OTOG: variants seen among roughly 807,000 people sequenced by gnomAD.
OTOG encodes the protein otogelin.
A neutral mutation model predicts 313.8 loss-of-function variants in OTOG; 296 were observed. The observed-to-expected ratio is 0.94, with a 90% CI of 0.86 to 1.04. The LOEUF is 1.04. Among genes scored for constraint, OTOG ranks in the 50% least tolerant of loss-of-function variants. The probability of loss-of-function intolerance (pLI) is 0.00; values close to 1 mark genes in which losing one functional copy is unlikely to be tolerated. For missense variants in OTOG, 3,948 were observed against 3,840.1 expected, an observed-to-expected ratio of 1.03 and a Z score of -0.74; for synonymous variants, 1,533 against 1,554.9, an observed-to-expected ratio of 0.99 and a Z score of 0.33.
chr11:17,609,015 A>T, intron 34 of OTOG, 115 bp from the exon 35 acceptor site: 1 of 788,324 alleles, frequency 1.3e-6, no homozygotes, highest in Non-Finnish European at 2.1e-6. Context: ...TAATAAGCAC[A>T]TGTGTGCACG....
intron 14 of OTOG, 134 bp from the exon 15 acceptor site, chr11:17,561,528 G>A (rs1371474616): frequency 1.1e-6 from 1 of 926,986 alleles, no homozygotes; most frequent in Non-Finnish European, 1.6e-6. Context: ...GGGCTCTCAG[G>A]GGCCAGGCCT....
At chr11:17,592,844 T>C (rs1340806279) in intron 25 of OTOG, among the ~76,000 whole-genome samples, 1 of 152,198 alleles carries the variant, frequency 6.6e-6, no homozygotes, top group Non-Finnish European at 1.5e-5. Context: ...ATTTAAAATA[T>C]TCAATGCCAG....
At chr11:17,562,710 A>G (rs1222434285) in intron 15 of OTOG, among the ~76,000 whole-genome samples, 6 of 152,256 alleles carry the variant, frequency 3.9e-5, no homozygotes, top group Non-Finnish European at 8.8e-5. Flanking sequence ...AGTGTTTAAA[A>G]AAAAATCTCT....
intron 23 of OTOG, among the ~76,000 whole-genome samples, chr11:17,582,950 T>C (rs1852706715): frequency 6.6e-6 from 1 of 152,110 alleles, no homozygotes; most frequent in Non-Finnish European, 1.5e-5. Flanking sequence ...TAAAAACTTC[T>C]GATGAGAAGT....
intron 26 of OTOG, 48 bp from the exon 27 acceptor site, chr11:17,593,562 G>T (rs1349286146): frequency 1.3e-6 from 2 of 1,541,322 alleles, no homozygotes; most frequent in Non-Finnish European, 1.8e-6. Context: ...GCTGACCTGG[G>T]CGCTAGGGGG....
At chr11:17,551,445 G>A (rs1303574840) in intron 3 of OTOG, among the ~76,000 whole-genome samples, 2 of 152,154 alleles carry the variant, frequency 1.3e-5, no homozygotes, top group Non-Finnish European at 2.9e-5. Context: ...CAGGGCAGGA[G>A]TCCTGACTGG....
At position 17,635,683 on chromosome 11, in the gene OTOG, G is replaced by T; in HGVS notation, c.7767G>T (p.Thr2589=). Residue 2589 remains threonine, a synonymous_variant, in exon 47 of 56, where the codon ACG becomes ACT. Coordinates refer to ENST00000399397, the MANE Select transcript of OTOG (RefSeq NM_001292063.2). Reference sequence around the variant, plus strand: ...CGCTCACTGTGCACAGGAATACCACGGAACTCTGCTGCCCTCTGTACCAGT... The same window carrying T: ...CGCTCACTGTGCACAGGAATACCACTGAACTCTGCTGCCCTCTGTACCAGT... ...GEALTVHRNT[T]ELCCPLYQCV... The T allele has an allele frequency of 6.4e-7, 1 of 1,550,552 alleles. No individual in the cohort carries two copies. The highest frequency in any genetic ancestry group is 8.7e-7 in the Non-Finnish European group (1 of 1,146,940).
intron 49 of OTOG, 135 bp downstream of exon 49, chr11:17,639,598 A>G: frequency 1.1e-6 from 1 of 871,012 alleles, no homozygotes; most frequent in South Asian, 1.7e-5. Flanking sequence ...TCTTTTCCCA[A>G]GCTCTGCCAC....
At chr11:17,552,200 C>T (rs1250634220) in intron 4 of OTOG, 125 bp downstream of exon 4, 2 of 927,200 alleles carry the variant, frequency 2.2e-6, no homozygotes, top group East Asian at 2.7e-5. Context: ...TGCTTGGCAT[C>T]TCCTTCCACC....
intron 15 of OTOG, among the ~76,000 whole-genome samples, chr11:17,567,545 A>G (rs1481318302): frequency 1.3e-5 from 2 of 152,226 alleles, no homozygotes; most frequent in Non-Finnish European, 2.9e-5. Context: ...GGGTCTCTGT[A>G]TGTTGAGCAG....
chr11:17,593,157 C>A, intron 25 of OTOG, 36 bp from the exon 26 acceptor site: 1 of 1,535,328 alleles, frequency 6.5e-7, no homozygotes, highest in Non-Finnish European at 8.8e-7. Context: ...TCTCCTTTCT[C>A]CCTTGTTTTA....
intron 30 of OTOG, among the ~76,000 whole-genome samples, chr11:17,599,161 G>C (rs567867741): frequency 1.3e-5 from 2 of 152,284 alleles, no homozygotes; most frequent in East Asian, 3.9e-4. Flanking sequence ...ACGCTTGCGG[G>C]AGCTTCTCAC....
chr11:17,609,153 G>C lies in OTOG; in HGVS notation c.4298G>C (p.Cys1433Ser), dbSNP rs562069769. 2 of 1,550,566 alleles carry C rather than the reference G, an allele frequency of 1.3e-6. No individual in the cohort carries two copies. The highest frequency in any genetic ancestry group is 3.9e-5 in the Admixed American group (2 of 50,994). The change falls in exon 35 of 56, where the codon TGC (cysteine) becomes TCC (serine). Residue 1433 changes from cysteine to serine, a missense_variant. By Grantham distance (112) the Cys-to-Ser change is moderately radical (BLOSUM62 -1). Coordinates refer to ENST00000399397, the MANE Select transcript of OTOG (RefSeq NM_001292063.2). Reference protein sequence around the residue: ...VPRVEGCVPVCPTPQVLDEVT... With the variant: ...VPRVEGCVPVSPTPQVLDEVT... ...AGGGTAGAAGGCTGTGTCCCTGTGT[G>C]CCCCACCCCCCAGGTCCTGGATGAA...
chr11:17,550,731 C>T (rs750063914), intron 3 of OTOG, among the ~76,000 whole-genome samples: 1 of 152,150 alleles, frequency 6.6e-6, no homozygotes, highest in Non-Finnish European at 1.5e-5. Flanking sequence ...TCTCTGAGGG[C>T]CCCATGAGAT....
rs866627770 is a variant in OTOG, at chr11:17,633,754, G to A, written c.7147G>A (p.Gly2383Arg). The A allele has an allele frequency of 1.9e-6, 3 of 1,550,502 alleles. No homozygotes were observed. The highest frequency in any genetic ancestry group is 2.4e-5 in the South Asian group (2 of 84,046). ...TGAGCCACCCAAGACATGCCAGGAT[G>A]GGATACTAGGGCCTCTGGACCCAGA... Reference protein sequence around the residue: ...ACEPPKTCQDGILGPLDPEHC... With the variant: ...ACEPPKTCQDRILGPLDPEHC... Residue 2383 changes from glycine to arginine, a missense_variant, in exon 43 of 56, where the codon GGG becomes AGG. By Grantham distance (125) the Gly-to-Arg change is moderately radical (BLOSUM62 -2). Transcript: ENST00000399397.
Position 17,596,025 on chromosome 11 carries a change from C to T in OTOG, c.3409-13C>T. 6.5e-7 allele frequency: 1 copy of T among 1,540,274 alleles called. No homozygotes were observed. The highest frequency in any genetic ancestry group is 2.4e-5 in the East Asian group (1 of 40,862). Reference sequence around the variant, plus strand: ...CAAGTAGGGAGGTCAACAGCCCTGCCTTTGCCCCTCAGTGCCCAGACACCC... The same window carrying T: ...CAAGTAGGGAGGTCAACAGCCCTGCTTTTGCCCCTCAGTGCCCAGACACCC... On this transcript the variant is annotated splice_polypyrimidine_tract_variant and intron_variant, in intron 28 of 55. Coordinates refer to ENST00000399397, the MANE Select transcript of OTOG (RefSeq NM_001292063.2).
intron 10 of OTOG, among the ~76,000 whole-genome samples, 187 bp downstream of exon 10, chr11:17,558,831 C>T (rs563132620): frequency 5.3e-5 from 8 of 152,324 alleles, no homozygotes; most frequent in African/African-American, 1.2e-4. Flanking sequence ...GGCCGGACCC[C>T]GTTAGGGTCA....
chr11:17,606,678 C>T (rs1204660624), intron 33 of OTOG, among the ~76,000 whole-genome samples: 4 of 152,222 alleles, frequency 2.6e-5, no homozygotes, highest in Non-Finnish European at 5.9e-5. Flanking sequence ...TGTTCTCTGC[C>T]TAAACCCTGG....
chr11:17,585,030 G>A (rs1443359639), intron 23 of OTOG, among the ~76,000 whole-genome samples: 1 of 152,174 alleles, frequency 6.6e-6, no homozygotes, highest in Admixed American at 6.5e-5. Flanking sequence ...TTTGGTATCA[G>A]ATTAATGCTG....
Sources: allele counts gnomAD v4.1 joint callset (sites outside exome capture counted in the v4.1 genomes callset), GRCh38; gene constraint gnomAD v4.1.1; transcripts MANE v1.5; gene names NCBI Gene and HGNC (gene_info 2026-07-23, HGNC 2026-07-21).